ZNF595: variants seen among roughly 807,000 people sequenced by gnomAD.
ZNF595 encodes the protein zinc finger protein 595.
A neutral mutation model predicts 19.4 loss-of-function variants in ZNF595; 9 were observed. The observed-to-expected ratio is 0.46, with a 90% CI of 0.28 to 0.81. The LOEUF (loss-of-function observed/expected upper bound fraction) is 0.81. Ranked by LOEUF, ZNF595 falls within the 30% of genes least tolerant of loss-of-function variation. The pLI is 0.11. For synonymous variants in ZNF595, 255 were observed against 255.9 expected (o/e 1.00, Z 0.03); for missense variants, 729 against 736.0 (o/e 0.99, Z 0.11).
intron 3 of ZNF595, among the ~76,000 whole-genome samples, chr4:69,620 C>A (rs1713345374): frequency 6.6e-6 from 1 of 152,022 alleles, no homozygotes; most frequent in African/African-American, 2.4e-5. Flanking sequence ...TGTTTATGTG[C>A]CTTACGTATT....
At chr4:82,919 T>A (rs1412870086) in intron 3 of ZNF595, among the ~76,000 whole-genome samples, 3 of 152,190 alleles carry the variant, frequency 2.0e-5, no homozygotes, top group African/African-American at 4.8e-5. Flanking sequence ...TTCTATTTCC[T>A]TGAGTATTCT....
intron 3 of ZNF595, among the ~76,000 whole-genome samples, chr4:74,458 T>C (rs1414639976): frequency 1.3e-5 from 2 of 152,266 alleles, no homozygotes; most frequent in East Asian, 3.8e-4. Flanking sequence ...TCTACATCTG[T>C]TAATATATGT....
chr4:81,006 C>G (rs1439943592), intron 3 of ZNF595, among the ~76,000 whole-genome samples: 1 of 152,068 alleles, frequency 6.6e-6, no homozygotes, highest in Non-Finnish European at 1.5e-5. Flanking sequence ...CTGACAGGCC[C>G]CGGTGTGTGA....
At chr4:80,063 C>A (rs1338973082) in intron 3 of ZNF595, among the ~76,000 whole-genome samples, 1 of 152,070 alleles carries the variant, frequency 6.6e-6, no homozygotes, top group Non-Finnish European at 1.5e-5. Context: ...ACTCTTGTTG[C>A]CCAGGCTGGA....
chr4:79,642 C>T (rs13434621), intron 3 of ZNF595, among the ~76,000 whole-genome samples: 5 of 147,912 alleles, frequency 3.4e-5, no homozygotes, highest in African/African-American at 9.9e-5. Flanking sequence ...AGTATATTTT[C>T]GAATCAGGTA....
At chr4:71,751 G>A (rs774309133) in intron 3 of ZNF595, among the ~76,000 whole-genome samples, 7 of 152,122 alleles carry the variant, frequency 4.6e-5, no homozygotes, top group Non-Finnish European at 8.8e-5. Flanking sequence ...CAGTTTCCAT[G>A]TTTTAGAGAC....
intron 3 of ZNF595, among the ~76,000 whole-genome samples, chr4:76,555 G>GT (rs1353288065): frequency 6.6e-6 from 1 of 151,850 alleles, no homozygotes; most frequent in Non-Finnish European, 1.5e-5. Context: ...ACTTTTATAT[G>GT]TTTTCTTGTT....
At position 86,041 on chromosome 4, in the gene ZNF595, C is replaced by G; in HGVS notation, c.537C>G (p.Gly179=). 1 of 1,611,102 alleles carries G rather than the reference C, an allele frequency of 6.2e-7. No homozygotes were observed. Among genetic ancestry groups the G allele is most frequent in the Non-Finnish European group, 8.5e-7 (1 of 1,178,224 alleles). The change falls in exon 4 of 4, where the codon GGC becomes GGG. Residue 179 remains glycine (G), a synonymous_variant. Transcript: ENST00000610261. The part of the protein sequence containing the change: ...GEKPFKCTEC[G]RSFYMSHLTQ... ...AACCCTTTAAATGTACAGAATGTGG[C>G]AGATCGTTTTACATGTCACACCTAA...
chr4:82,944 T>C (rs1713978042), intron 3 of ZNF595, among the ~76,000 whole-genome samples: 1 of 152,170 alleles, frequency 6.6e-6, no homozygotes, highest in Non-Finnish European at 1.5e-5. Context: ...TGATTATTCA[T>C]TACAGAAATT....
chr4:87,420 A>G lies in ZNF595; in HGVS notation c.1916A>G (p.Lys639Arg), dbSNP rs782327932. The G allele has an allele frequency of 2.5e-6, 4 of 1,604,482 alleles. No individual in the cohort carries two copies. Among genetic ancestry groups the G allele is most frequent in the South Asian group, 2.2e-5 (2 of 89,564 alleles). ...CGGCCCTCAACCCTTACTGTACACA[A>G]GCGAATTCATACTGGCAAGGAACAT... ...FNRPSTLTVH[K>R]RIHTGKEHS The change falls in exon 4 of 4, where the codon AAG (lysine) becomes AGG (arginine). Residue 639 changes from lysine to arginine, a missense_variant. This residue lies in a region of ZNF595 where 729 missense variants were observed against 675.3 expected (regional missense o/e 1.08). Transcript: ENST00000610261.
intron 3 of ZNF595, among the ~76,000 whole-genome samples, chr4:85,452 G>A (rs1714091242): frequency 6.6e-6 from 1 of 152,212 alleles, no homozygotes; most frequent in Admixed American, 6.5e-5. Context: ...GAGGAAAGCT[G>A]TGGTGGGTAA....
chr4:84,372 G>A (rs1248226503), intron 3 of ZNF595, among the ~76,000 whole-genome samples: 20 of 152,054 alleles, frequency 1.3e-4, no homozygotes, highest in Admixed American at 1.3e-3. Flanking sequence ...ACTTTCTTCA[G>A]CATTTCTTTT....
chr4:57,478 C>CCCATAATAATGACAGA (rs1581361841), intron 1 of ZNF595, among the ~76,000 whole-genome samples: 1 of 151,256 alleles, frequency 6.6e-6, no homozygotes, highest in Non-Finnish European at 1.5e-5. Flanking sequence ...GGCATCAGCC[C>CCCATAATAATGACAGA]AGGGTCACTG....
At chr4:66,333 GTT>G (rs35910366) in intron 3 of ZNF595, among the ~76,000 whole-genome samples, 1,775 of 141,162 alleles carry the variant, frequency 0.013, no homozygotes, top group Admixed American at 0.069. Context: ...GTAACTTTTT[GTT>G]TTTTTTTTTG....
chr4:76,852 TTTC>T (rs2108757757), intron 3 of ZNF595, among the ~76,000 whole-genome samples: 1 of 152,228 alleles, frequency 6.6e-6, no homozygotes, highest in African/African-American at 2.4e-5. Context: ...ATGAGAAAAA[TTTC>T]TTTTCTCTTG....
chr4:80,569 CAGCGAAGGGAGAT>C (rs1249865286), intron 3 of ZNF595, among the ~76,000 whole-genome samples: 1 of 152,018 alleles, frequency 6.6e-6, no homozygotes. Flanking sequence ...AAAAGAGAGT[CAGCGAAGGGAGAT>C]AGGGGTGGGG....
chr4:78,009 T>G (rs868968260), intron 3 of ZNF595, among the ~76,000 whole-genome samples: 4 of 152,076 alleles, frequency 2.6e-5, no homozygotes, highest in Admixed American at 6.5e-5. Context: ...TTTTTGTTTG[T>G]TTGTTTGTTT....
At chr4:84,022 A>G (rs190981104) in intron 3 of ZNF595, among the ~76,000 whole-genome samples, 1 of 152,032 alleles carries the variant, frequency 6.6e-6, no homozygotes, top group Non-Finnish European at 1.5e-5. Flanking sequence ...ACTTTTTGGT[A>G]TTTTGGAAAT....
At chr4:70,734 T>C (rs1282119260) in intron 3 of ZNF595, among the ~76,000 whole-genome samples, 1 of 152,240 alleles carries the variant, frequency 6.6e-6, no homozygotes, top group African/African-American at 2.4e-5. Flanking sequence ...ATCAGTCCCA[T>C]GCTGTTCTAA....
Sources: gnomAD v4.1 joint callset for allele counts (sites outside exome capture counted in the v4.1 genomes callset) on GRCh38, gnomAD v4.1.1 for gene constraint, gnomAD v4.1.1 regional missense constraint, MANE v1.5 for transcripts, NCBI Gene and HGNC (gene_info 2026-07-23, HGNC 2026-07-21) for gene names.